DCX: variants seen among roughly 807,000 people sequenced by gnomAD.
DCX encodes the protein neuronal migration protein doublecortin.
A neutral mutation model predicts 20.9 loss-of-function variants in DCX; 4 were observed. The ratio of observed to expected loss-of-function variants is 0.19; its 90% CI spans 0.09 to 0.44. The LOEUF is 0.44. Among genes scored for constraint, DCX ranks in the 20% least tolerant of loss-of-function variants. DCX has a pLI of 0.99. For synonymous variants in DCX, 103 were observed against 111.4 expected, an observed-to-expected ratio of 0.92 and a Z score of 0.47; for missense variants, 133 against 296.9, an observed-to-expected ratio of 0.45 and a Z score of 4.06.
At chrX:111,401,541 C>T (rs1219866532) in intron 2 of DCX, among the ~76,000 whole-genome samples, 2 of 111,703 alleles carry the variant, frequency 1.8e-5, no homozygotes, top group African/African-American at 6.5e-5. Flanking sequence ...AATGACACAC[C>T]TAGTTGAAGA....
intron 3 of DCX, among the ~76,000 whole-genome samples, chrX:111,390,229 A>G (rs966031763): frequency 8.9e-6 from 1 of 111,852 alleles, no homozygotes; most frequent in Admixed American, 9.5e-5. Flanking sequence ...TAAGAAGGAC[A>G]TGGGAATTGA....
At chrX:111,409,062 A>G (rs1287531250) in intron 2 of DCX, among the ~76,000 whole-genome samples, 1 of 111,743 alleles carries the variant, frequency 8.9e-6, no homozygotes, top group Non-Finnish European at 1.9e-5. Flanking sequence ...TTGAGGAGGA[A>G]CACATTAATT....
chrX:111,353,687 G>A (rs1923504957), intron 3 of DCX, among the ~76,000 whole-genome samples: 2 of 111,338 alleles, frequency 1.8e-5, no homozygotes, highest in Admixed American at 9.6e-5. Context: ...ATTCAAGGAA[G>A]TTGTCTTAAT....
intron 6 of DCX, among the ~76,000 whole-genome samples, chrX:111,307,000 A>G (rs758017513): frequency 7.2e-5 from 8 of 110,832 alleles, no homozygotes; most frequent in Non-Finnish European, 1.5e-4. Flanking sequence ...CAGGGGTTGG[A>G]TGAAAAGGGA....
intron 6 of DCX, among the ~76,000 whole-genome samples, chrX:111,306,812 G>T: frequency 9.0e-6 from 1 of 111,330 alleles, no homozygotes; most frequent in East Asian, 2.8e-4. Context: ...ACGCACAGAT[G>T]ACTAACCAAA....
intron 3 of DCX, among the ~76,000 whole-genome samples, chrX:111,343,446 G>GAA (rs371125870): frequency 2.1e-5 from 1 of 47,589 alleles, no homozygotes. Context: ...TACCAACCAA[G>GAA]AAAAAAAAAA....
intron 5 of DCX, among the ~76,000 whole-genome samples, chrX:111,316,090 A>AAT (rs1204941209): frequency 8.4e-5 from 7 of 82,853 alleles, no homozygotes; most frequent in Non-Finnish European, 1.4e-4. Flanking sequence ...AAAAAATAAA[A>AAT]AAAAAAAAAA....
Position 111,296,776 on chromosome X carries a change from A to AC in DCX, c.*4910_*4911insG, listed in dbSNP as rs1375898929. 1 of 109,456 alleles carries AC rather than the reference A, an allele frequency of 9.1e-6. No individual in the cohort carries two copies. The highest frequency in any genetic ancestry group is 3.3e-5 in the African/African-American group (1 of 29,959). 9.0% of individuals were successfully genotyped at this position (109,456 alleles called of 1,213,427 possible). On this transcript the variant is annotated 3_prime_UTR_variant, in exon 7 of 7. Coordinates refer to ENST00000636035, the MANE Select transcript of DCX (RefSeq NM_001195553.2). ...GAGGGAGACTCAGTCAAAAAAAAAA[A>AC]AAAAAAAAAGTTAGTCTTGTCAAAT...
At chrX:111,335,076 T>A (rs184853956) in intron 3 of DCX, among the ~76,000 whole-genome samples, 125 of 111,788 alleles carry the variant, frequency 1.1e-3, no homozygotes, top group Non-Finnish European at 1.9e-3. Flanking sequence ...TCTGAACTAT[T>A]TACCTGCCGC....
Position 111,351,870 on chromosome X carries a change from G to A in DCX, c.706-18717C>T, listed in dbSNP as rs765182870. ...CTCCTGTGTAGCTGGGACTACAGGC[G>A]CAAGTCACCAGGCCCGGCTAATTTT... On this transcript the variant is annotated intron_variant, in intron 3 of 6. Transcript: ENST00000636035. Among the ~76,000 whole-genome samples, 11 of 111,763 alleles carry A rather than the reference G, an allele frequency of 9.8e-5. No homozygotes were observed. The East Asian group carries it at 1.7e-3, about 17-fold the overall frequency.
At chrX:111,318,292 G>A (rs1384646587) in intron 5 of DCX, among the ~76,000 whole-genome samples, 3 of 106,512 alleles carry the variant, frequency 2.8e-5, no homozygotes. Flanking sequence ...CAACCATTGT[G>A]AAAAGCAGTG....
rs905480541 is a variant in DCX, at chrX:111,301,470, A to G, written c.*217T>C. ...ATGCTGCCCCAAAGGATGGTTATCA[A>G]TCTATCTCTCATAATTGGTAACTGT... On this transcript the variant is annotated 3_prime_UTR_variant, in exon 7 of 7. Transcript: ENST00000636035. 75 of 460,330 alleles carry G rather than the reference A, an allele frequency of 1.6e-4. No homozygotes were observed. Among genetic ancestry groups the G allele is most frequent in the South Asian group, 2.6e-4 (8 of 31,312 alleles). The allele number at this position is 460,330 out of a possible 1,213,427, so 37.9% of individuals were successfully genotyped here. A position where few individuals can be genotyped will look rare whatever the true frequency, so the allele number is the denominator to read the frequency against.
At chrX:111,329,774 A>G (rs1208296815) in intron 5 of DCX, among the ~76,000 whole-genome samples, 1 of 111,909 alleles carries the variant, frequency 8.9e-6, no homozygotes, top group Admixed American at 9.5e-5. Flanking sequence ...TGGCAGTCTG[A>G]TGCAGGCAGT....
intron 3 of DCX, among the ~76,000 whole-genome samples, chrX:111,372,672 G>A (rs1320147641): frequency 1.8e-5 from 2 of 111,693 alleles, no homozygotes; most frequent in Non-Finnish European, 3.8e-5. Flanking sequence ...CCTGGGCAGG[G>A]CAGAAGATGG....
At position 111,362,799 on chromosome X, in the gene DCX, TG is replaced by T. The variant is rs745411977; in HGVS notation, c.706-29647del. Among the ~76,000 whole-genome samples the T allele has an allele frequency of 3.6e-3, 405 of 111,947 alleles. 3 individuals are homozygous for T. Among genetic ancestry groups the T allele is most frequent in the African/African-American group, 0.012 (382 of 30,814 alleles). On this transcript the variant is annotated intron_variant, in intron 3 of 6. Transcript: ENST00000636035. Reference sequence around the variant, plus strand: ...TTCCCCATCCTCCTGCCTAAATATCTGGCTTTCCTCCATCCTAAGAACATCA... The same window carrying T: ...TTCCCCATCCTCCTGCCTAAATATCTGCTTTCCTCCATCCTAAGAACATCA...
intron 3 of DCX, among the ~76,000 whole-genome samples, chrX:111,384,084 C>T (rs898127340): frequency 1.8e-5 from 2 of 111,936 alleles, no homozygotes; most frequent in African/African-American, 3.3e-5. Flanking sequence ...AAAGCTTAGA[C>T]CTTTGTTTCC....
In DCX at chrX:111,296,865, C is replaced by T. The variant is rs1352716429; in HGVS notation, c.*4822G>A. On this transcript the variant is annotated 3_prime_UTR_variant, in exon 7 of 7. Transcript: ENST00000636035. ...TCTGCATAGATCCTTAACAAGGAAA[C>T]AAGGCAGGACGCAACACTAAGAGTC... 1.8e-5 allele frequency: 2 copies of T among 109,892 alleles called. No individual in the cohort carries two copies. The highest frequency in any genetic ancestry group is 5.7e-4 in the East Asian group (2 of 3,505). 9.1% of individuals were successfully genotyped at this position (109,892 alleles called of 1,213,427 possible).
intron 3 of DCX, among the ~76,000 whole-genome samples, chrX:111,353,891 T>TA (rs1923522137): frequency 8.9e-6 from 1 of 111,877 alleles, no homozygotes; most frequent in Non-Finnish European, 1.9e-5. Context: ...TTTAATAGTC[T>TA]AAAAAAATTG....
intron 3 of DCX, among the ~76,000 whole-genome samples, chrX:111,353,067 T>G (rs1923453503): frequency 8.9e-6 from 1 of 112,085 alleles, no homozygotes; most frequent in Non-Finnish European, 1.9e-5. Context: ...ATTTCTCAAG[T>G]GTCAGCTTCA....
Sources: allele counts gnomAD v4.1 joint callset (sites outside exome capture counted in the v4.1 genomes callset), GRCh38; gene constraint gnomAD v4.1.1; transcripts MANE v1.5; gene names NCBI Gene and HGNC (gene_info 2026-07-23, HGNC 2026-07-21).